The following ZFPM1 variants were observed in gnomAD, a reference collection of about 807,000 sequenced individuals.
ZFPM1 encodes zinc finger protein, FOG family member 1.
ZFPM1 carries 28 observed loss-of-function variants against 46.3 expected under a neutral mutation model. That is an observed-to-expected ratio of 0.60 (90% CI 0.45 to 0.83). ZFPM1 has a LOEUF of 0.83. Among genes scored for constraint, ZFPM1 ranks in the 40% least tolerant of loss-of-function variants. ZFPM1 has a pLI of 0.00. For missense variants in ZFPM1, 1,878 were observed against 1,432.4 expected, an observed-to-expected ratio of 1.31 and a Z score of -5.02; for synonymous variants, 957 against 675.9, an observed-to-expected ratio of 1.42 and a Z score of -6.45.
intron 3 of ZFPM1, among the ~76,000 whole-genome samples, chr16:88,490,287 C>G (rs573589630): frequency 1.3e-5 from 2 of 152,132 alleles, no homozygotes; most frequent in African/African-American, 4.8e-5. Flanking sequence ...CTCCTGACCT[C>G]GTGATCCGCC....
At chr16:88,506,214 AG>A (rs1351121607) in intron 3 of ZFPM1, among the ~76,000 whole-genome samples, 1 of 130,410 alleles carries the variant, frequency 7.7e-6, no homozygotes, top group Non-Finnish European at 1.6e-5. Flanking sequence ...TGGGGAGACC[AG>A]GGGCAGGGGC....
Position 88,528,736 on chromosome 16 carries a change from G to T in ZFPM1, c.712+498G>T, listed in dbSNP as rs576554793. Among the ~76,000 whole-genome samples the T allele has an allele frequency of 7.9e-5, 4 of 50,766 alleles. No individual in the cohort carries two copies. The South Asian group carries it at 2.5e-3, about 32-fold the overall frequency. 33.3% of individuals were successfully genotyped at this position (50,766 alleles called of 152,430 possible). A position where few individuals can be genotyped will look rare whatever the true frequency, so the allele number is the denominator to read the frequency against. On this transcript the variant is annotated intron_variant, in intron 6 of 9. Transcript: ENST00000319555. ...GACAACCAAGACATCTGTTGGTTGG[G>T]TTTTTGTTGTTTTTTTTTCGAGACA...
At chr16:88,461,391 C>T (rs948708538) in intron 1 of ZFPM1, among the ~76,000 whole-genome samples, 5 of 152,180 alleles carry the variant, frequency 3.3e-5, no homozygotes, top group African/African-American at 4.8e-5. Context: ...GGGTGGTTGC[C>T]GGCCTTCAGC....
chr16:88,453,723 C>T (rs1366879897), intron 1 of ZFPM1, 45 bp downstream of exon 1: 1 of 1,141,242 alleles, frequency 8.8e-7, no homozygotes, highest in Non-Finnish European at 1.1e-6. Flanking sequence ...GCCCGACCCC[C>T]GCCGGAGCCC....
intron 4 of ZFPM1, among the ~76,000 whole-genome samples, chr16:88,519,062 A>C (rs977808202): frequency 1.4e-5 from 2 of 138,618 alleles, no homozygotes; most frequent in African/African-American, 5.5e-5. Flanking sequence ...GGATGGATGG[A>C]TGGATGGATG....
chr16:88,532,304 C>T (rs1912852233), intron 7 of ZFPM1, 69 bp downstream of exon 7: 1 of 1,410,286 alleles, frequency 7.1e-7, no homozygotes, highest in African/African-American at 1.4e-5. Context: ...CGCAGGCCGC[C>T]CGGGAAAACC....
intron 1 of ZFPM1, among the ~76,000 whole-genome samples, chr16:88,470,353 G>A (rs1567528973): frequency 6.6e-6 from 1 of 152,212 alleles, no homozygotes; most frequent in Admixed American, 6.5e-5. Flanking sequence ...TGCCTGCTGT[G>A]TGCTGGGCAT....
At chr16:88,487,690 G>A (rs542823689) in intron 2 of ZFPM1, among the ~76,000 whole-genome samples, 23 of 152,216 alleles carry the variant, frequency 1.5e-4, no homozygotes, top group Middle Eastern at 3.4e-3. Flanking sequence ...TGGGTGGGCC[G>A]CGGCCCCAAG....
At chr16:88,484,424 C>A (rs1909105022) in intron 1 of ZFPM1, among the ~76,000 whole-genome samples, 1 of 152,242 alleles carries the variant, frequency 6.6e-6, no homozygotes. Context: ...CCCACCCCCA[C>A]TCTGCCCCAT....
chr16:88,528,266 G>A, intron 6 of ZFPM1, 28 bp downstream of exon 6: 1 of 1,564,130 alleles, frequency 6.4e-7, no homozygotes, highest in South Asian at 1.2e-5. Context: ...CGCACCCAGG[G>A]CGGCTGCTCC....
At chr16:88,481,064 C>G (rs931521868) in intron 1 of ZFPM1, among the ~76,000 whole-genome samples, 1 of 152,260 alleles carries the variant, frequency 6.6e-6, no homozygotes, top group African/African-American at 2.4e-5. Context: ...TATCTCACCC[C>G]CAATCAAATA....
At chr16:88,461,015 T>C (rs28453699) in intron 1 of ZFPM1, among the ~76,000 whole-genome samples, 811 of 7,908 alleles carry the variant, frequency 0.1, 4 homozygotes, top group Middle Eastern at 0.17. Flanking sequence ...GACCGAGGGG[T>C]GGGGCGGGAG....
At position 88,461,080 on chromosome 16, in the gene ZFPM1, T is replaced by C. The variant is rs557809514; in HGVS notation, c.40+7402T>C. Among the ~76,000 whole-genome samples, 115 of 58,966 alleles carry C rather than the reference T, an allele frequency of 2.0e-3. 17 individuals carry two copies. Among genetic ancestry groups the C allele is most frequent in the African/African-American group, 7.5e-3 (67 of 8,934 alleles). The allele number at this position is 58,966 out of a possible 152,430, so 38.7% of individuals were successfully genotyped here. ...CTGGTGAGGACCCAGGGGCAGAAGGTCTGGTGAGGACCAAGGGGCAGGAGG... is the reference window on the plus strand; with the variant it reads ...CTGGTGAGGACCCAGGGGCAGAAGGCCTGGTGAGGACCAAGGGGCAGGAGG... On this transcript the variant is annotated intron_variant, in intron 1 of 9. Transcript: ENST00000319555.
At chr16:88,488,056 C>T (rs1909333874) in intron 2 of ZFPM1, among the ~76,000 whole-genome samples, 2 of 152,338 alleles carry the variant, frequency 1.3e-5, no homozygotes, top group Admixed American at 1.3e-4. Flanking sequence ...CACATGTGAG[C>T]TGGGTGCGAG....
rs1241723650 is a variant in ZFPM1, at chr16:88,480,510, A to C, written c.41-5429A>C. On this transcript the variant is annotated intron_variant, in intron 1 of 9. Transcript: ENST00000319555. The surrounding 1 kb of genome is among the most constrained non-coding windows in gnomAD (Gnocchi z 4.9). ...TGGTCACCCGCCCCACCAGCTGCTC[A>C]CATGGGGCCTGGGCAGGCACCTGCA... 1.3e-5 allele frequency among the ~76,000 whole-genome samples: 2 copies of C among 152,182 alleles called. No homozygotes were observed. The highest frequency in any genetic ancestry group is 4.8e-5 in the African/African-American group (2 of 41,442).
intron 3 of ZFPM1, among the ~76,000 whole-genome samples, chr16:88,509,508 C>G (rs570479302): frequency 7.0e-4 from 106 of 152,358 alleles, no homozygotes; most frequent in Non-Finnish European, 1.1e-3. Context: ...CAGGAGGGGC[C>G]CCGGTTCCCG....
chr16:88,520,336 T>C (rs116518310), intron 4 of ZFPM1, among the ~76,000 whole-genome samples: 1,721 of 147,498 alleles, frequency 0.012, 34 homozygotes, highest in African/African-American at 0.043. Flanking sequence ...GGTGGATAGA[T>C]GGATGAGTGG....
At position 88,469,491 on chromosome 16, in the gene ZFPM1, C is replaced by T. The variant is rs1016843760; in HGVS notation, c.40+15813C>T. ...TGTGGCTGTGGCATAGCCTGGAAAC[C>T]TGGGGTCTTCCAGATTTCCCATTGT... is the stretch of plus-strand genomic sequence containing the variant. On this transcript the variant is annotated intron_variant, in intron 1 of 9. Coordinates refer to ENST00000319555, the MANE Select transcript of ZFPM1 (RefSeq NM_153813.3). The surrounding 1 kb of genome is among the most constrained non-coding windows in gnomAD (Gnocchi z 4.3). Among the ~76,000 whole-genome samples, 4 of 152,188 alleles carry T rather than the reference C, an allele frequency of 2.6e-5. No individual in the cohort carries two copies. Among genetic ancestry groups the T allele is most frequent in the Non-Finnish European group, 4.4e-5 (3 of 68,036 alleles).
intron 1 of ZFPM1, among the ~76,000 whole-genome samples, chr16:88,482,355 G>C (rs1360547093): frequency 6.6e-6 from 1 of 152,160 alleles, no homozygotes; most frequent in South Asian, 2.1e-4. Context: ...CAGGCCCAGG[G>C]CAGCATCCAC....
Sources: gnomAD v4.1 joint callset for allele counts (sites outside exome capture counted in the v4.1 genomes callset) on GRCh38, gnomAD v4.1.1 for gene constraint, Gnocchi (gnomAD v3.1) non-coding constraint, MANE v1.5 for transcripts, NCBI Gene and HGNC (gene_info 2026-07-23, HGNC 2026-07-21) for gene names.